The following MAP2K5 variants were observed in gnomAD, a reference collection of about 807,000 sequenced individuals.
The protein encoded by MAP2K5 is dual specificity mitogen-activated protein kinase kinase 5.
MAP2K5 carries 49 observed loss-of-function variants against 83.1 expected under a neutral mutation model. The observed-to-expected ratio is 0.59, with a 90% CI of 0.47 to 0.75. MAP2K5 has a LOEUF of 0.75. MAP2K5 is among the 30% of genes least tolerant of loss of function. The probability of loss-of-function intolerance (pLI) is 0.00; values close to 1 mark genes in which losing one functional copy is unlikely to be tolerated. For synonymous variants in MAP2K5, 202 were observed against 191.8 expected (o/e 1.05, Z -0.44); for missense variants, 457 against 557.5 (o/e 0.82, Z 1.82).
At chr15:67,560,859 C>T (rs2084720176) in intron 2 of MAP2K5, among the ~76,000 whole-genome samples, 1 of 152,160 alleles carries the variant, frequency 6.6e-6, no homozygotes, top group Non-Finnish European at 1.5e-5. Flanking sequence ...GAAGAACTCT[C>T]CTTTTGTTCT....
Position 67,630,916 on chromosome 15 carries a change from T to C in MAP2K5, c.574T>C (p.Leu192=), listed in dbSNP as rs768324135. The change falls in exon 9 of 22, where the codon TTA becomes CTA. Residue 192 remains leucine, a synonymous_variant. Transcript: ENST00000178640. ...ATATCATGTCCCGAGTGGGAAAATA[T>C]TAGCTGTAAAGGTAAGTACTGGATA... ...KAYHVPSGKI[L]AVKVILLDIT... is the part of the protein sequence containing the mutation. The C allele has an allele frequency of 1.9e-6, 3 of 1,609,652 alleles. No homozygotes were observed. The highest frequency in any genetic ancestry group is 2.5e-6 in the Non-Finnish European group (3 of 1,177,240).
At chr15:67,558,406 C>T (rs1053803543) in intron 2 of MAP2K5, among the ~76,000 whole-genome samples, 6 of 152,320 alleles carry the variant, frequency 3.9e-5, no homozygotes, top group Non-Finnish European at 8.8e-5. Flanking sequence ...CATCTCTCAC[C>T]GGGATTAGGA....
rs538391240 is a variant in MAP2K5, at chr15:67,552,581, C to T, written c.184+2499C>T. On this transcript the variant is annotated intron_variant, in intron 2 of 21. Transcript: ENST00000178640. The surrounding 1 kb of genome is among the most constrained non-coding windows in gnomAD (Gnocchi z 4.2). The stretch of plus-strand genomic sequence containing the variant: ...TCCCGAGTAGCTGGGACTACAGGCA[C>T]CCACCTCCACACCTAGCTAATTAAA... Among the ~76,000 whole-genome samples the T allele has an allele frequency of 5.7e-4, 86 of 151,960 alleles. No homozygotes were observed. Among genetic ancestry groups the T allele is most frequent in the Non-Finnish European group, 9.1e-4 (62 of 68,008 alleles).
intron 9 of MAP2K5, among the ~76,000 whole-genome samples, chr15:67,635,080 A>G (rs557103888): frequency 6.6e-6 from 1 of 151,796 alleles, no homozygotes; most frequent in Non-Finnish European, 1.5e-5. Flanking sequence ...ACAGTGGTGT[A>G]TTTTCATTTC....
At chr15:67,619,633 T>C (rs376968791) in intron 8 of MAP2K5, among the ~76,000 whole-genome samples, 17 of 152,164 alleles carry the variant, frequency 1.1e-4, no homozygotes, top group African/African-American at 4.1e-4. Context: ...GTAATTAGAG[T>C]CTACAATATA....
intron 15 of MAP2K5, among the ~76,000 whole-genome samples, chr15:67,699,940 C>G (rs1213008967): frequency 6.8e-6 from 1 of 147,358 alleles, no homozygotes; most frequent in Non-Finnish European, 1.5e-5. Context: ...AACCAGTGTT[C>G]TGTCTGCCTA....
At chr15:67,673,229 A>T (rs1291475611) in intron 13 of MAP2K5, among the ~76,000 whole-genome samples, 1 of 152,052 alleles carries the variant, frequency 6.6e-6, no homozygotes, top group African/African-American at 2.4e-5. Context: ...GTTGTGAAAC[A>T]ATGGTAGATC....
rs2090082959 is a variant in MAP2K5 at position 67,768,457 on chromosome 15, A to G, written c.1135-1145A>G. Among the ~76,000 whole-genome samples, 1 of 152,228 alleles carries G rather than the reference A, an allele frequency of 6.6e-6. No homozygotes were observed. The highest frequency in any genetic ancestry group is 1.5e-5 in the Non-Finnish European group (1 of 68,044). The stretch of plus-strand genomic sequence containing the variant: ...TTGTTTGGCTCCCACCAAATGCTGC[A>G]TGCTCTGAGTTTCTTGCCTGCAGCG... On this transcript the variant is annotated intron_variant, in intron 19 of 21. Transcript: ENST00000178640. This position sits in a 1 kb window ranked among gnomAD's most constrained non-coding sequence, Gnocchi z 4.0.
At chr15:67,664,916 T>C (rs1290711507) in intron 13 of MAP2K5, among the ~76,000 whole-genome samples, 2 of 152,248 alleles carry the variant, frequency 1.3e-5, no homozygotes, top group Non-Finnish European at 2.9e-5. Flanking sequence ...AGGATCTTGT[T>C]TGTCTTACTT....
Position 67,594,197 on chromosome 15 carries a change from T to TTA in MAP2K5, c.480+1224_480+1225dup, listed in dbSNP as rs529438831. On this transcript the variant is annotated intron_variant, in intron 7 of 21. Coordinates refer to ENST00000178640, the MANE Select transcript of MAP2K5 (RefSeq NM_145160.3). ...GTATAATCTTTGTAGTCTCAACATT[T>TTA]TAGATAGTATTTATCGAATACCTTT... Among the ~76,000 whole-genome samples, 665 of 152,288 alleles carry TTA rather than the reference T, an allele frequency of 4.4e-3. 3 individuals carry two copies. The highest frequency in any genetic ancestry group is 0.016 in the African/African-American group (644 of 41,540).
At chr15:67,763,735 A>T (rs891907783) in intron 19 of MAP2K5, among the ~76,000 whole-genome samples, 20 of 151,782 alleles carry the variant, frequency 1.3e-4, no homozygotes, top group African/African-American at 4.8e-4. Context: ...TAAAGATGCT[A>T]CTCTAAGGCA....
chr15:67,559,394 C>T lies in MAP2K5; in HGVS notation c.185-3889C>T, dbSNP rs531952357. Among the ~76,000 whole-genome samples, 9 of 152,240 alleles carry T rather than the reference C, an allele frequency of 5.9e-5. No homozygotes were observed. Among genetic ancestry groups the T allele is most frequent in the Admixed American group, 2.6e-4 (4 of 15,298 alleles). ...TGTTTACTCAGTAGGCCATTGTGAC[C>T]GCCCCTTACCTGAGGCTGCTTCTCC... On this transcript the variant is annotated intron_variant, in intron 2 of 21. Coordinates refer to ENST00000178640, the MANE Select transcript of MAP2K5 (RefSeq NM_145160.3). This position sits in a 1 kb window ranked among gnomAD's most constrained non-coding sequence, Gnocchi z 4.7.
At position 67,713,494 on chromosome 15, in the gene MAP2K5, G is replaced by T. The variant is rs528283345; in HGVS notation, c.1044+10086G>T. Among the ~76,000 whole-genome samples the T allele has an allele frequency of 1.1e-3, 162 of 152,360 alleles. 1 individual carries two copies. The highest frequency in any genetic ancestry group is 3.8e-3 in the African/African-American group (158 of 41,582). On this transcript the variant is annotated intron_variant, in intron 16 of 21. Coordinates refer to ENST00000178640, the MANE Select transcript of MAP2K5 (RefSeq NM_145160.3). ...CTCACACCTGTAATCCCAGCACTTT[G>T]GAAGGCCGAGGCGGGTTGATCACCT...
chr15:67,603,967 A>G (rs2085723327), intron 8 of MAP2K5, among the ~76,000 whole-genome samples: 1 of 152,286 alleles, frequency 6.6e-6, no homozygotes, highest in Non-Finnish European at 1.5e-5. Context: ...GTGCAAAGCA[A>G]AAGTTTAATA....
chr15:67,597,324 T>C (rs1293194264), intron 7 of MAP2K5, among the ~76,000 whole-genome samples: 1 of 152,258 alleles, frequency 6.6e-6, no homozygotes, highest in Non-Finnish European at 1.5e-5. Context: ...TCTTTTAACT[T>C]GTGTCTTTCA....
intron 12 of MAP2K5, among the ~76,000 whole-genome samples, chr15:67,661,158 T>C (rs1281742023): frequency 6.6e-6 from 1 of 152,112 alleles, no homozygotes; most frequent in African/African-American, 2.4e-5. Context: ...GAGTTTTTTT[T>C]TTCCCCCAAA....
intron 21 of MAP2K5, among the ~76,000 whole-genome samples, chr15:67,799,452 C>A (rs1271677547): frequency 6.6e-6 from 1 of 152,240 alleles, no homozygotes; most frequent in Non-Finnish European, 1.5e-5. Context: ...ACAACCCACT[C>A]CGGGAGGAAG....
intron 13 of MAP2K5, among the ~76,000 whole-genome samples, chr15:67,688,979 T>C (rs1442042383): frequency 1.3e-5 from 2 of 152,228 alleles, no homozygotes; most frequent in Non-Finnish European, 2.9e-5. Context: ...GTGAGCAAGA[T>C]ACTGTGCTCG....
At chr15:67,548,961 A>G (rs2084451902) in intron 1 of MAP2K5, 1 of 1,310,100 alleles carries the variant, frequency 7.6e-7, no homozygotes, top group Admixed American at 3.0e-5. Flanking sequence ...GCAAATTGCC[A>G]CTGCAGCAAA....
Sources: allele counts gnomAD v4.1 joint callset (sites outside exome capture counted in the v4.1 genomes callset), GRCh38; gene constraint gnomAD v4.1.1; non-coding constraint Gnocchi (gnomAD v3.1); transcripts MANE v1.5; gene names NCBI Gene and HGNC (gene_info 2026-07-23, HGNC 2026-07-21).